Variants in C3orf52 observed in about 807,000 individuals in gnomAD.
C3orf52 encodes the protein chromosome 3 open reading frame 52.
In C3orf52, 22 loss-of-function variants were observed where a neutral mutation model predicts 24.8. The ratio of observed to expected loss-of-function variants is 0.89; its 90% confidence interval spans 0.63 to 1.27. The LOEUF (loss-of-function observed/expected upper bound fraction) is 1.27, where lower values mean the gene tolerates loss of function less well. Ranked by LOEUF, C3orf52 falls within the 50% of genes most tolerant of loss-of-function variation. C3orf52 has a pLI of 0.00. For missense variants in C3orf52, 265 were observed against 260.7 expected (o/e 1.02, Z -0.11); for synonymous variants, 93 against 100.2 (o/e 0.93, Z 0.43).
rs75863448 is a variant in C3orf52 at position 112,111,243 on chromosome 3, C to T, written c.467+1630C>T. On this transcript the variant is annotated intron_variant, in intron 4 of 5. Coordinates refer to ENST00000264848, the MANE Select transcript of C3orf52 (RefSeq NM_024616.3). ...ACAGACCCAGTGTACATGGTACTTA[C>T]GGTGACATCTCTGCACTTTATTTCA... 5.6e-4 allele frequency among the ~76,000 whole-genome samples: 85 copies of T among 152,278 alleles called. No homozygotes were observed. In the East Asian group the frequency reaches 0.014, roughly 25 times the overall value.
At chr3:112,096,915 T>C (rs910702860) in intron 2 of C3orf52, among the ~76,000 whole-genome samples, 1 of 152,238 alleles carries the variant, frequency 6.6e-6, no homozygotes, top group African/African-American at 2.4e-5. Context: ...GATCATGGCT[T>C]AGCTTAAAGC....
At position 112,086,447 on chromosome 3, in the gene C3orf52, G is replaced by C. The variant is rs1172665132; in HGVS notation, c.40G>C (p.Glu14Gln). 2.6e-6 allele frequency: 4 copies of C among 1,551,226 alleles called. No homozygotes were observed. Among genetic ancestry groups the C allele is most frequent in the Admixed American group, 2.0e-5 (1 of 50,954 alleles). Reference sequence around the variant, plus strand: ...ACCCTCACAGCCAGTAGACGAGCTGGAGCTCTCGGTGCTCGAGCGGCAGCC... The same window carrying C: ...ACCCTCACAGCCAGTAGACGAGCTGCAGCTCTCGGTGCTCGAGCGGCAGCC... ...AQPSQPVDEL[E>Q]LSVLERQPEE... Residue 14 changes from glutamate to glutamine, a missense_variant, in exon 1 of 6, where the codon GAG becomes CAG. Glu to Gln is a conservative substitution (Grantham distance 29, BLOSUM62 2). Coordinates refer to ENST00000264848, the MANE Select transcript of C3orf52 (RefSeq NM_024616.3).
intron 2 of C3orf52, among the ~76,000 whole-genome samples, chr3:112,096,878 T>A (rs1248642360): frequency 6.6e-6 from 1 of 152,238 alleles, no homozygotes; most frequent in East Asian, 1.9e-4. Context: ...TCTTCCCTTG[T>A]ATGCCATTGA....
intron 3 of C3orf52, among the ~76,000 whole-genome samples, chr3:112,107,217 G>C (rs2074033335): frequency 1.3e-5 from 2 of 150,918 alleles, no homozygotes; most frequent in Admixed American, 1.3e-4. Context: ...ATAAAGGAAA[G>C]AAGGGAAGGA....
At chr3:112,115,231 G>C (rs930851734) in intron 5 of C3orf52, among the ~76,000 whole-genome samples, 6 of 152,328 alleles carry the variant, frequency 3.9e-5, no homozygotes, top group African/African-American at 1.4e-4. Context: ...TCAAAGGGAA[G>C]GGTGCACAGA....
rs909761219 is a variant in C3orf52, at chr3:112,086,530, G to A, written c.123G>A (p.Glu41=). Residue 41 remains glutamate (E), a synonymous_variant, in exon 1 of 6, where the codon GAG becomes GAA. Coordinates refer to ENST00000264848, the MANE Select transcript of C3orf52 (RefSeq NM_024616.3). ...AGGTCTTCCCTTCTTTGGACGAGGA[G>A]GTCCCCCCGGCCGAGGTAAGGTCCC... is the stretch of plus-strand genomic sequence containing the variant. ...ADKVFPSLDE[E]VPPAEANKES... The A allele has an allele frequency of 1.9e-6, 3 of 1,550,978 alleles. No homozygotes were observed. The highest frequency in any genetic ancestry group is 1.7e-4 in the Middle Eastern group (1 of 6,012).
intron 4 of C3orf52, chr3:112,127,162 TA>T (rs1417423066): frequency 1.7e-6 from 1 of 576,370 alleles, no homozygotes; most frequent in Non-Finnish European, 3.0e-6. Context: ...TCCTTCAGCA[TA>T]GATGAGTTAA....
At chr3:112,130,554 A>C (rs754712860), downstream of C3orf52, 1 of 1,544,388 alleles carries the variant, frequency 6.5e-7, no homozygotes, top group South Asian at 1.1e-5. Flanking sequence ...GTATTTCCTA[A>C]ACAGGCCTGT....
chr3:112,109,594 G>A lies in C3orf52; in HGVS notation c.448G>A (p.Val150Ile). Residue 150 changes from valine to isoleucine, a missense_variant, in exon 4 of 6, where the codon GTT becomes ATT. Coordinates refer to ENST00000264848, the MANE Select transcript of C3orf52 (RefSeq NM_024616.3). ...SPSLGRYFTS[V>I]EIVDFSGENA... ...CTCTCTGGGTCGTTATTTTACTTCA[G>A]TTGAAATAGTGGACTTCAGGTAAGA... 2 of 1,598,888 alleles carry A rather than the reference G, an allele frequency of 1.3e-6. No homozygotes were observed. The highest frequency in any genetic ancestry group is 1.7e-6 in the Non-Finnish European group (2 of 1,166,918).
At chr3:112,119,553 T>A (rs1394963005), downstream of C3orf52, 1 of 702,856 alleles carries the variant, frequency 1.4e-6, no homozygotes, top group Non-Finnish European at 2.6e-6. Context: ...TCGTGTCTTC[T>A]TAGGATGAGG....
At position 112,117,242 on chromosome 3, in the gene C3orf52, G is replaced by A. The variant is rs2074143833; in HGVS notation, c.*596G>A. The A allele has an allele frequency of 2.1e-6, 1 of 484,082 alleles. No homozygotes were observed. Among genetic ancestry groups the A allele is most frequent in the Non-Finnish European group, 3.7e-6 (1 of 272,528 alleles). The allele number at this position is 484,082 out of a possible 1,614,324, so 30.0% of individuals were successfully genotyped here. A position where few individuals can be genotyped will look rare whatever the true frequency, so the allele number is the denominator to read the frequency against. On this transcript the variant is annotated 3_prime_UTR_variant, in exon 6 of 6. Transcript: ENST00000264848. ...CCTCTAAGCCAGGCTGTGAAGAAAAGGAAGGCACTTTAGAAGACCTCAGCA... is the reference window on the plus strand; with the variant it reads ...CCTCTAAGCCAGGCTGTGAAGAAAAAGAAGGCACTTTAGAAGACCTCAGCA...
exon 5 of C3orf52, chr3:112,128,512 T>G (rs536534734): frequency 2.8e-4 from 88 of 310,820 alleles, no homozygotes; most frequent in African/African-American, 1.8e-3. Flanking sequence ...TTGTCTATAT[T>G]CTACACTAGA....
At chr3:112,112,191 T>A (rs538463315) in intron 4 of C3orf52, 24 of 152,372 alleles carry the variant, frequency 1.6e-4, no homozygotes, top group African/African-American at 5.5e-4. Context: ...AAGTAGCATT[T>A]AAAGAGTAGC....
intron 3 of C3orf52, among the ~76,000 whole-genome samples, chr3:112,104,290 C>T (rs2074005071): frequency 6.6e-6 from 1 of 152,196 alleles, no homozygotes; most frequent in Non-Finnish European, 1.5e-5. Context: ...GCATCCTGAT[C>T]ATCCTGTCAA....
chr3:112,114,054 A>G (rs1170232848), intron 5 of C3orf52, among the ~76,000 whole-genome samples: 26 of 152,216 alleles, frequency 1.7e-4, no homozygotes, highest in Admixed American at 1.7e-3. Context: ...AATGAAAGGC[A>G]AATTAGAAGT....
downstream of C3orf52, chr3:112,119,407 G>T: frequency 1.4e-6 from 1 of 698,904 alleles, no homozygotes; most frequent in Non-Finnish European, 2.6e-6. Flanking sequence ...AACAGAAACA[G>T]TAGGGTTGCG....
chr3:112,097,359 T>A (rs537790710), intron 2 of C3orf52, among the ~76,000 whole-genome samples: 1 of 152,318 alleles, frequency 6.6e-6, no homozygotes, highest in East Asian at 1.9e-4. Context: ...TGATTTAAAT[T>A]GATAACATCC....
chr3:112,116,184 G>A (rs1179556446), intron 5 of C3orf52, among the ~76,000 whole-genome samples: 1 of 152,172 alleles, frequency 6.6e-6, no homozygotes, highest in Non-Finnish European at 1.5e-5. Context: ...CTGGTCTGTA[G>A]ACCCCGGCGG....
At position 112,116,849 on chromosome 3, in the gene C3orf52, G is replaced by A; in HGVS notation, c.*203G>A. 5 of 1,537,554 alleles carry A rather than the reference G, an allele frequency of 3.3e-6. No individual in the cohort carries two copies. Among genetic ancestry groups the A allele is most frequent in the Non-Finnish European group, 4.4e-6 (5 of 1,146,912 alleles). On this transcript the variant is annotated 3_prime_UTR_variant, in exon 6 of 6. Transcript: ENST00000264848. ...ACAGCTCCCGAGCACTGCTTCAGCT[G>A]GGTCCAGTCTTGACAAAGGCAGGAA...
Sources: gnomAD v4.1 joint callset for allele counts (sites outside exome capture counted in the v4.1 genomes callset) on GRCh38, gnomAD v4.1.1 for gene constraint, MANE v1.5 for transcripts, NCBI Gene and HGNC (gene_info 2026-07-23, HGNC 2026-07-21) for gene names.